The following RPH3A variants were observed in gnomAD, a reference collection of about 807,000 sequenced individuals.
The protein encoded by RPH3A is rabphilin-3A.
A neutral mutation model predicts 102.2 loss-of-function variants in RPH3A; 48 were observed. The observed-to-expected ratio is 0.47, with a 90% CI of 0.37 to 0.60. The LOEUF is 0.60. Among genes scored for constraint, RPH3A ranks in the 20% least tolerant of loss-of-function variants. The pLI is 0.00. For synonymous variants in RPH3A, 310 were observed against 324.3 expected (o/e 0.96, Z 0.47); for missense variants, 781 against 910.1 (o/e 0.86, Z 1.83).
At chr12:112,858,082 G>A (rs1367686715) in intron 5 of RPH3A, among the ~76,000 whole-genome samples, 1 of 151,914 alleles carries the variant, frequency 6.6e-6, no homozygotes, top group Non-Finnish European at 1.5e-5. Context: ...AGACGAGCCT[G>A]AGCAATATAG....
At chr12:112,640,158 T>TA (rs1166382012) in intron 1 of RPH3A, among the ~76,000 whole-genome samples, 5 of 147,854 alleles carry the variant, frequency 3.4e-5, no homozygotes, top group Admixed American at 1.3e-4. Context: ...ACGTCTCTAC[T>TA]AAAAAAAAAT....
intron 1 of RPH3A, among the ~76,000 whole-genome samples, chr12:112,670,698 T>C (rs530011375): frequency 3.7e-4 from 57 of 152,302 alleles, no homozygotes; most frequent in Non-Finnish European, 7.6e-4. Context: ...AGGATGATTT[T>C]GGCTGGGATG....
chr12:112,876,976 T>C, intron 13 of RPH3A, 110 bp downstream of exon 13: 1 of 652,720 alleles, frequency 1.5e-6, no homozygotes, highest in Non-Finnish European at 2.5e-6. Context: ...ACCCCTAATA[T>C]ACCAGACCTA....
At chr12:112,594,492 AT>A (rs1354377168) in intron 1 of RPH3A, among the ~76,000 whole-genome samples, 1 of 152,044 alleles carries the variant, frequency 6.6e-6, no homozygotes, top group African/African-American at 2.4e-5. Context: ...CTCATCATCT[AT>A]CTAATAATCC....
intron 1 of RPH3A, among the ~76,000 whole-genome samples, chr12:112,587,793 A>G (rs1362760896): frequency 6.6e-6 from 1 of 152,210 alleles, no homozygotes; most frequent in Non-Finnish European, 1.5e-5. Context: ...CGGAAAATTT[A>G]CGGCACATCT....
chr12:112,605,031 C>T (rs1288850979), intron 1 of RPH3A, among the ~76,000 whole-genome samples: 2 of 152,304 alleles, frequency 1.3e-5, no homozygotes, highest in East Asian at 3.9e-4. Context: ...CCTTCAAGGG[C>T]TTTACCTCTT....
At chr12:112,711,376 CT>C (rs2040460413) in intron 1 of RPH3A, among the ~76,000 whole-genome samples, 1 of 152,016 alleles carries the variant, frequency 6.6e-6, no homozygotes, top group Non-Finnish European at 1.5e-5. Context: ...TTATTTGTTT[CT>C]TCCTTAAAGC....
At chr12:112,633,575 CAG>C (rs1038387408) in intron 1 of RPH3A, among the ~76,000 whole-genome samples, 3 of 152,168 alleles carry the variant, frequency 2.0e-5, no homozygotes, top group African/African-American at 4.8e-5. Flanking sequence ...TGGGACTCTG[CAG>C]AGAGTCCCCA....
chr12:112,810,435 G>A (rs144541541), intron 2 of RPH3A, among the ~76,000 whole-genome samples: 3 of 152,310 alleles, frequency 2.0e-5, no homozygotes, highest in African/African-American at 7.2e-5. Flanking sequence ...CCCATTTGCT[G>A]CTCGGCCCTG....
intron 4 of RPH3A, 87 bp from the exon 5 acceptor site, chr12:112,847,609 C>A: frequency 7.0e-7 from 1 of 1,425,798 alleles, no homozygotes; most frequent in Non-Finnish European, 9.7e-7. Context: ...TCCTTTTGTC[C>A]ACAGTTTCCC....
intron 1 of RPH3A, among the ~76,000 whole-genome samples, chr12:112,624,272 C>A (rs1379321722): frequency 2.0e-5 from 3 of 150,980 alleles, no homozygotes; most frequent in African/African-American, 7.3e-5. Flanking sequence ...AATCCAGGAG[C>A]TAGTTTTTTG....
intron 11 of RPH3A, among the ~76,000 whole-genome samples, chr12:112,875,417 A>G (rs1487800177): frequency 6.6e-6 from 1 of 152,134 alleles, no homozygotes; most frequent in Non-Finnish European, 1.5e-5. Context: ...CTCATTCGCC[A>G]GTGTTTCCCA....
rs2040588861 is a variant in RPH3A at position 112,726,115 on chromosome 12, G to GCACC, written c.-139-66028_-139-66027insCACC. Among the ~76,000 whole-genome samples, 3 of 150,770 alleles carry GCACC rather than the reference G, an allele frequency of 2.0e-5. No homozygotes were observed. In the South Asian group the frequency reaches 6.3e-4, roughly 32 times the overall value. On this transcript the variant is annotated intron_variant, in intron 1 of 21. Transcript: ENST00000543106. ...CAGCCTTTTTTTTCGGGGGGGTGGG[G>GCACC]GGTGTACTGGGGAGTGGGGGATGGA... is the stretch of plus-strand genomic sequence containing the variant.
intron 1 of RPH3A, among the ~76,000 whole-genome samples, chr12:112,771,481 G>A (rs1230868131): frequency 1.3e-5 from 2 of 152,026 alleles, no homozygotes; most frequent in African/African-American, 4.8e-5. Context: ...CATTTATATT[G>A]CTTCCCTTCT....
intron 2 of RPH3A, among the ~76,000 whole-genome samples, chr12:112,825,428 G>A (rs141293723): frequency 1.1e-4 from 17 of 152,228 alleles, no homozygotes; most frequent in African/African-American, 3.6e-4. Context: ...TCTATTCAGC[G>A]TCACAGGAAA....
Position 112,839,196 on chromosome 12 carries a change from A to C in RPH3A, c.83+2694A>C, listed in dbSNP as rs146239095. On this transcript the variant is annotated intron_variant, in intron 4 of 21. Coordinates refer to ENST00000389385, the MANE Select transcript of RPH3A (RefSeq NM_001143854.2). ...CAGATAAGAGTGGAGCTGGATAAAG[A>C]CCTTTAGTGGCTGAAAGCATTAAAA... 2.1e-3 allele frequency among the ~76,000 whole-genome samples: 320 copies of C among 152,248 alleles called. 5 individuals carry two copies. The highest frequency in any genetic ancestry group is 7.5e-3 in the African/African-American group (311 of 41,542).
intron 1 of RPH3A, among the ~76,000 whole-genome samples, chr12:112,768,711 G>GCTTC (rs2040908044): frequency 6.6e-6 from 1 of 152,140 alleles, no homozygotes; most frequent in Non-Finnish European, 1.5e-5. Flanking sequence ...CCAGGAGTTG[G>GCTTC]AGTCCAGCCT....
At chr12:112,637,956 A>G (rs1374000176) in intron 1 of RPH3A, among the ~76,000 whole-genome samples, 2 of 151,512 alleles carry the variant, frequency 1.3e-5, no homozygotes, top group Non-Finnish European at 2.9e-5. Flanking sequence ...CTTCTGCTAC[A>G]GTTTGGATGT....
chr12:112,712,925 C>CTTCTTCTTCTTCCTCTTCTTCT (rs1565856803), intron 1 of RPH3A, among the ~76,000 whole-genome samples: 29 of 94,556 alleles, frequency 3.1e-4, no homozygotes, highest in African/African-American at 1.1e-3. Flanking sequence ...CTTCTTCTTC[C>CTTCTTCTTCTTCCTCTTCTTCT]TCTTCTTCTT....
Sources: gnomAD v4.1 joint callset for allele counts (sites outside exome capture counted in the v4.1 genomes callset) on GRCh38, gnomAD v4.1.1 for gene constraint, MANE v1.5 for transcripts, NCBI Gene and HGNC (gene_info 2026-07-23, HGNC 2026-07-21) for gene names.